Variants in DTNBP1 observed in about 807,000 individuals in gnomAD.
DTNBP1 encodes dysbindin.
In DTNBP1, 35 loss-of-function variants were observed where a neutral mutation model predicts 42.8. The ratio of observed to expected loss-of-function variants is 0.82; its 90% CI spans 0.63 to 1.09. DTNBP1 has a LOEUF of 1.09. Among genes scored for constraint, DTNBP1 ranks in the 50% least tolerant of loss-of-function variants. DTNBP1 has a pLI of 0.00. For missense variants in DTNBP1, 457 were observed against 424.2 expected, an observed-to-expected ratio of 1.08 and a Z score of -0.68; for synonymous variants, 171 against 162.2, an observed-to-expected ratio of 1.05 and a Z score of -0.41.
At chr6:15,554,363 G>A (rs988039610) in intron 7 of DTNBP1, among the ~76,000 whole-genome samples, 1 of 152,132 alleles carries the variant, frequency 6.6e-6, no homozygotes, top group Non-Finnish European at 1.5e-5. Flanking sequence ...AATTACAGGT[G>A]CATACCACTA....
At chr6:15,553,577 T>C (rs1774336494) in intron 7 of DTNBP1, among the ~76,000 whole-genome samples, 1 of 124,346 alleles carries the variant, frequency 8.0e-6, no homozygotes, top group Admixed American at 9.3e-5. Flanking sequence ...AGCAGTTCAA[T>C]GCTCTTGACA....
At chr6:15,524,177 C>T (rs559187979) in intron 9 of DTNBP1, 137 of 1,454,714 alleles carry the variant, frequency 9.4e-5, no homozygotes, top group African/African-American at 8.0e-4. Context: ...CCGTGAGCCC[C>T]GCAGGAGAGT....
At position 15,644,086 on chromosome 6, in the gene DTNBP1, A is replaced by T. The variant is rs549484753; in HGVS notation, c.162-6282T>A. ...CCATAGGCTCAAAATAAAGGGATGGAGAAAGATCTTTCATGCAAATGGAAA... is the reference window on the plus strand; with the variant it reads ...CCATAGGCTCAAAATAAAGGGATGGTGAAAGATCTTTCATGCAAATGGAAA... On this transcript the variant is annotated intron_variant, in intron 3 of 9. Coordinates refer to ENST00000344537, the MANE Select transcript of DTNBP1 (RefSeq NM_032122.5). Among the ~76,000 whole-genome samples the T allele has an allele frequency of 8.5e-5, 13 of 152,142 alleles. No homozygotes were observed. In the South Asian group the frequency reaches 2.7e-3, roughly 32 times the overall value.
intron 6 of DTNBP1, among the ~76,000 whole-genome samples, chr6:15,606,009 C>T (rs1758030384): frequency 6.6e-6 from 1 of 152,210 alleles, no homozygotes; most frequent in Non-Finnish European, 1.5e-5. Flanking sequence ...CCCGTACAAC[C>T]ACACAAGTGT....
chr6:15,659,850 C>A (rs1376108110), intron 1 of DTNBP1, among the ~76,000 whole-genome samples: 1 of 151,938 alleles, frequency 6.6e-6, no homozygotes, highest in Non-Finnish European at 1.5e-5. Context: ...CCGCACCCAG[C>A]CAAAAGATGG....
At position 15,566,727 on chromosome 6, in the gene DTNBP1, G is replaced by A. The variant is rs532959506; in HGVS notation, c.511+26332C>T. ...TTTTTTTTTTTTTTTTTTTGAGACC[G>A]TCTCTCTCTATCGTTCAGGATTGAG... On this transcript the variant is annotated intron_variant, in intron 7 of 9. Coordinates refer to ENST00000344537, the MANE Select transcript of DTNBP1 (RefSeq NM_032122.5). 4.9e-4 allele frequency among the ~76,000 whole-genome samples: 62 copies of A among 127,576 alleles called. 1 individual carries two copies. The highest frequency in any genetic ancestry group is 8.2e-4 in the Admixed American group (9 of 10,936). The allele number at this position is 127,576 out of a possible 152,430, so 83.7% of individuals were successfully genotyped here.
intron 4 of DTNBP1, among the ~76,000 whole-genome samples, chr6:15,636,929 T>G (rs1431164320): frequency 1.3e-5 from 2 of 152,184 alleles, no homozygotes; most frequent in African/African-American, 4.8e-5. Flanking sequence ...TATCCAACAT[T>G]TAAGTGTTTT....
At chr6:15,528,670 G>T (rs1188755811) in intron 8 of DTNBP1, among the ~76,000 whole-genome samples, 3 of 152,196 alleles carry the variant, frequency 2.0e-5, no homozygotes, top group Admixed American at 2.0e-4. Context: ...GTGCATATGT[G>T]GCTGAGGAGA....
At chr6:15,539,757 C>CT (rs1359094047) in intron 7 of DTNBP1, among the ~76,000 whole-genome samples, 1 of 152,208 alleles carries the variant, frequency 6.6e-6, no homozygotes, top group Non-Finnish European at 1.5e-5. Context: ...CTTTTAGCTT[C>CT]TTTTCCTCGC....
intron 7 of DTNBP1, among the ~76,000 whole-genome samples, chr6:15,547,641 G>T (rs1001882580): frequency 6.6e-6 from 1 of 152,218 alleles, no homozygotes; most frequent in Admixed American, 6.5e-5. Context: ...AGAATTGCCT[G>T]TTGTCAACCT....
At chr6:15,638,462 A>G (rs1368975937) in intron 3 of DTNBP1, among the ~76,000 whole-genome samples, 1 of 152,190 alleles carries the variant, frequency 6.6e-6, no homozygotes, top group Non-Finnish European at 1.5e-5. Flanking sequence ...AAAATCTCCA[A>G]TTGGTAAACA....
At chr6:15,615,745 T>C (rs989215172) in intron 5 of DTNBP1, among the ~76,000 whole-genome samples, 7 of 152,234 alleles carry the variant, frequency 4.6e-5, no homozygotes, top group African/African-American at 9.6e-5. Flanking sequence ...CATAAGAATA[T>C]GGTAAAATAT....
At chr6:15,649,809 C>T (rs973053474) in intron 3 of DTNBP1, among the ~76,000 whole-genome samples, 13 of 152,128 alleles carry the variant, frequency 8.5e-5, no homozygotes, top group African/African-American at 3.1e-4. Flanking sequence ...TCTATATTAA[C>T]TCCTAAAATG....
At chr6:15,660,866 T>C (rs982630035) in intron 1 of DTNBP1, among the ~76,000 whole-genome samples, 1 of 152,118 alleles carries the variant, frequency 6.6e-6, no homozygotes, top group African/African-American at 2.4e-5. Context: ...AGGAATTCCA[T>C]GAAGTACTAA....
intron 7 of DTNBP1, among the ~76,000 whole-genome samples, chr6:15,547,152 C>T (rs557253987): frequency 6.1e-4 from 92 of 152,010 alleles, no homozygotes; most frequent in African/African-American, 8.4e-4. Context: ...TTTTTTAAAA[C>T]GCTGCATAAA....
Position 15,580,277 on chromosome 6 carries a change from A to G in DTNBP1, c.511+12782T>C, listed in dbSNP as rs190591111. On this transcript the variant is annotated intron_variant, in intron 7 of 9. Coordinates refer to ENST00000344537, the MANE Select transcript of DTNBP1 (RefSeq NM_032122.5). ...TTTTTGCTTTCATATTAGTAAAGAC[A>G]AGAAAAAAATACTCAGGTGAGGGTC... 2.7e-3 allele frequency among the ~76,000 whole-genome samples: 409 copies of G among 152,346 alleles called. 4 individuals are homozygous for G. Among genetic ancestry groups the G allele is most frequent in the African/African-American group, 9.7e-3 (402 of 41,572 alleles).
At chr6:15,578,645 T>C (rs952347256) in intron 7 of DTNBP1, among the ~76,000 whole-genome samples, 2 of 152,180 alleles carry the variant, frequency 1.3e-5, no homozygotes, top group African/African-American at 2.4e-5. Context: ...CTAGATTAAG[T>C]AGAGTTAAAG....
At chr6:15,585,677 G>A in intron 7 of DTNBP1, 1 of 1,530,262 alleles carries the variant, frequency 6.5e-7, no homozygotes, top group South Asian at 1.2e-5. Flanking sequence ...ACATTTCAAA[G>A]GAAAGCAGCA....
At chr6:15,559,308 A>G (rs1774707680) in intron 7 of DTNBP1, among the ~76,000 whole-genome samples, 1 of 152,228 alleles carries the variant, frequency 6.6e-6, no homozygotes, top group Non-Finnish European at 1.5e-5. Flanking sequence ...CAGCATTTGA[A>G]GCAAATTGGA....
Sources: allele counts gnomAD v4.1 joint callset (sites outside exome capture counted in the v4.1 genomes callset), GRCh38; gene constraint gnomAD v4.1.1; transcripts MANE v1.5; gene names NCBI Gene and HGNC (gene_info 2026-07-23, HGNC 2026-07-21).